The following ABCD2 variants were observed in gnomAD, a reference collection of about 807,000 sequenced individuals.
ABCD2 encodes the protein ATP-binding cassette sub-family D member 2.
ABCD2 carries 36 observed loss-of-function variants against 70.9 expected under a neutral mutation model. The observed-to-expected ratio is 0.51, with a 90% CI of 0.39 to 0.67. The LOEUF is 0.67. Among genes scored for constraint, ABCD2 ranks in the 30% least tolerant of loss-of-function variants. The pLI is 0.00. For missense variants in ABCD2, 729 were observed against 890.2 expected, an observed-to-expected ratio of 0.82 and a Z score of 2.30; for synonymous variants, 304 against 306.9, an observed-to-expected ratio of 0.99 and a Z score of 0.10.
rs1941480660 is a variant in ABCD2, at chr12:39,573,825, G to A, written c.1894C>T (p.Leu632=). Reference sequence around the variant, plus strand: ...CTGACAGCACTGGTACATTCATCCAGCAAGGCATATTTTGGTCTTTTAAAA... The same window carrying A: ...CTGACAGCACTGGTACATTCATCCAACAAGGCATATTTTGGTCTTTTAAAA... ...MFYHKPKYAL[L]DECTSAVSID... Residue 632 remains leucine (L), a synonymous_variant, in exon 9 of 10, where the codon CTG becomes TTG. Transcript: ENST00000308666. The A allele has an allele frequency of 6.2e-7, 1 of 1,611,264 alleles. No individual in the cohort carries two copies. Among genetic ancestry groups the A allele is most frequent in the Non-Finnish European group, 8.5e-7 (1 of 1,178,604 alleles).
intron 6 of ABCD2, among the ~76,000 whole-genome samples, chr12:39,594,322 G>T (rs1396581558): frequency 6.7e-6 from 1 of 148,906 alleles, no homozygotes; most frequent in Non-Finnish European, 1.5e-5. Flanking sequence ...AACTTTATAG[G>T]TTGTCATACA....
intron 6 of ABCD2, among the ~76,000 whole-genome samples, chr12:39,597,443 T>C (rs1470403540): frequency 6.6e-6 from 1 of 152,148 alleles, no homozygotes; most frequent in Non-Finnish European, 1.5e-5. Flanking sequence ...ATTAGTGGAT[T>C]TGTGAAAGTG....
chr12:39,606,466 CTAAT>C (rs1341703346), intron 3 of ABCD2, among the ~76,000 whole-genome samples: 1 of 152,104 alleles, frequency 6.6e-6, no homozygotes, highest in Non-Finnish European at 1.5e-5. Context: ...TTTAGAAAAA[CTAAT>C]TGTTATCATT....
chr12:39,558,610 T>C (rs6581187), intron 9 of ABCD2, among the ~76,000 whole-genome samples: 44,051 of 151,986 alleles, frequency 0.29, 7,136 homozygotes, highest in African/African-American at 0.44. Context: ...ATAAGTGTTT[T>C]GTAGTTCCTC....
intron 5 of ABCD2, among the ~76,000 whole-genome samples, chr12:39,603,306 A>C (rs968609551): frequency 6.6e-6 from 1 of 152,090 alleles, no homozygotes; most frequent in African/African-American, 2.4e-5. Context: ...ATCCCAAAAC[A>C]TGTGTTTGAA....
chr12:39,568,835 T>TC (rs1435058668), intron 9 of ABCD2, among the ~76,000 whole-genome samples: 1 of 152,218 alleles, frequency 6.6e-6, no homozygotes, highest in African/African-American at 2.4e-5. Context: ...TTGTTAGTTT[T>TC]CCTGCTAACA....
chr12:39,581,888 G>T (rs187510147), intron 7 of ABCD2, among the ~76,000 whole-genome samples: 11 of 152,122 alleles, frequency 7.2e-5, no homozygotes, highest in Non-Finnish European at 1.5e-4. Context: ...AGAAGAGAAT[G>T]ATTTTCCTGC....
intron 7 of ABCD2, among the ~76,000 whole-genome samples, chr12:39,584,240 G>T (rs990104603): frequency 6.6e-6 from 1 of 152,040 alleles, no homozygotes; most frequent in African/African-American, 2.4e-5. Context: ...CCTCATTGTG[G>T]TTTTGATGTG....
the ABCD2 span, among the ~76,000 whole-genome samples, chr12:39,534,883 GGAAAGAAAGAAAGAAAGAAA>G: frequency 0.057 from 6,935 of 122,740 alleles, 207 homozygotes; most frequent in South Asian, 0.095. Context: ...AAGGAAGGAA[GGAAAGAAAGAAAGAAAGAAA>G]GAAAGAAAGA....
the ABCD2 span, among the ~76,000 whole-genome samples, chr12:39,537,425 A>C: frequency 6.6e-6 from 1 of 152,244 alleles, no homozygotes; most frequent in Non-Finnish European, 1.5e-5. Context: ...AATATATCAT[A>C]AAATCATTAA....
intron 9 of ABCD2, among the ~76,000 whole-genome samples, chr12:39,568,982 C>G (rs1449404493): frequency 1.3e-5 from 2 of 152,142 alleles, no homozygotes; most frequent in Non-Finnish European, 2.9e-5. Context: ...GTTCATTCCT[C>G]TGGAATTTTT....
chr12:39,545,909 CAAAG>C (rs774719073), downstream of ABCD2, among the ~76,000 whole-genome samples: 81 of 152,060 alleles, frequency 5.3e-4, no homozygotes, highest in Non-Finnish European at 9.3e-4. Flanking sequence ...TTTGGGGACT[CAAAG>C]AGAGAGGAAA....
chr12:39,618,745 A>T lies in ABCD2; in HGVS notation c.871T>A (p.Tyr291Asn). 2 of 1,614,228 alleles carry T rather than the reference A, an allele frequency of 1.2e-6. No individual in the cohort carries two copies. The highest frequency in any genetic ancestry group is 1.7e-6 in the Non-Finnish European group (2 of 1,180,032). ...ATTCTCGAGTGCACATACCGCAAATAGCCTTTTCTATGTGCTTCCTCTGCC... is the reference window on the plus strand; with the variant it reads ...ATTCTCGAGTGCACATACCGCAAATTGCCTTTTCTATGTGCTTCCTCTGCC... ...LVAEEAHRKG[Y>N]LRYVHSRIIA... The change falls in exon 1 of 10, where the codon TAT becomes AAT. Residue 291 changes from tyrosine (Y) to asparagine (N), a missense_variant. Coordinates refer to ENST00000308666, the MANE Select transcript of ABCD2 (RefSeq NM_005164.4).
At chr12:39,576,411 G>A (rs1209843099) in intron 8 of ABCD2, among the ~76,000 whole-genome samples, 7 of 151,950 alleles carry the variant, frequency 4.6e-5, no homozygotes, top group African/African-American at 1.7e-4. Flanking sequence ...CACCCGCCTC[G>A]CCCTCCCGAA....
chr12:39,573,365 C>A (rs960205413), intron 9 of ABCD2, among the ~76,000 whole-genome samples: 3 of 151,902 alleles, frequency 2.0e-5, no homozygotes, highest in African/African-American at 7.3e-5. Context: ...TTTTTTTCCC[C>A]AGATTTTACT....
the ABCD2 span, among the ~76,000 whole-genome samples, chr12:39,541,534 A>G: frequency 3.9e-5 from 6 of 152,238 alleles, no homozygotes; most frequent in Non-Finnish European, 8.8e-5. Flanking sequence ...GTAGGGGCTT[A>G]TGGACAAAGT....
chr12:39,599,949 GA>G (rs996836205), intron 6 of ABCD2, among the ~76,000 whole-genome samples: 2 of 152,092 alleles, frequency 1.3e-5, no homozygotes, highest in Non-Finnish European at 2.9e-5. Context: ...TATCCACAAT[GA>G]ATATTACAAA....
chr12:39,556,621 AG>A (rs1292054288), intron 9 of ABCD2, among the ~76,000 whole-genome samples: 1 of 152,174 alleles, frequency 6.6e-6, no homozygotes, highest in Non-Finnish European at 1.5e-5. Context: ...TACCCGGTCT[AG>A]GGCAGTTCTT....
chr12:39,533,950 A>G, the ABCD2 span, among the ~76,000 whole-genome samples: 3 of 152,226 alleles, frequency 2.0e-5, no homozygotes, highest in Admixed American at 2.0e-4. Context: ...ATCTCAACGA[A>G]AGTGATAAAA....
Sources: gnomAD v4.1 joint callset for allele counts (sites outside exome capture counted in the v4.1 genomes callset) on GRCh38, gnomAD v4.1.1 for gene constraint, MANE v1.5 for transcripts, NCBI Gene and HGNC (gene_info 2026-07-23, HGNC 2026-07-21) for gene names.